Variants in ZIM2 observed in about 807,000 individuals in gnomAD.
ZIM2 encodes the protein zinc finger protein 656.
ZIM2 carries 14 observed loss-of-function variants against 38.6 expected under a neutral mutation model. The ratio of observed to expected loss-of-function variants is 0.36; its 90% confidence interval spans 0.24 to 0.57. ZIM2 has a LOEUF of 0.57. Ranked by LOEUF, ZIM2 falls within the 20% of genes least tolerant of loss-of-function variation. The probability of loss-of-function intolerance (pLI) is 0.81; values close to 1 mark genes in which losing one functional copy is unlikely to be tolerated. For synonymous variants in ZIM2, 247 were observed against 245.8 expected, an observed-to-expected ratio of 1.00 and a Z score of -0.04; for missense variants, 680 against 695.1, an observed-to-expected ratio of 0.98 and a Z score of 0.24.
At position 56,824,802 on chromosome 19, in the gene ZIM2, G is replaced by A. The variant is rs551706037; in HGVS notation, c.-150-375C>T. ...AGTTGAAGACCAGGCAGCAGTGGAG[G>A]CCACCTTACCAGAGGCATCGACAAT... On this transcript the variant is annotated intron_variant, in intron 3 of 12. Transcript: ENST00000629319. The A allele has an allele frequency of 5.6e-6, 4 of 714,166 alleles. No individual in the cohort carries two copies. The East Asian group carries it at 1.1e-4, about 19-fold the overall frequency. 44.2% of individuals were successfully genotyped at this position (714,166 alleles called of 1,614,324 possible).
intron 11 of ZIM2, 65 bp downstream of exon 11, chr19:56,781,888 C>T (rs557048373): frequency 2.7e-5 from 42 of 1,562,288 alleles, no homozygotes; most frequent in South Asian, 2.2e-4. Flanking sequence ...TGAGAGGACA[C>T]GAAGGAGTTG....
At chr19:56,818,500 ATATAT>A in intron 8 of ZIM2, 95 bp downstream of exon 8, 31 of 1,247,734 alleles carry the variant, frequency 2.5e-5, no homozygotes, top group Non-Finnish European at 3.5e-5. Flanking sequence ...TGAAGTCCAA[ATATAT>A]TAATGTGGAC....
intron 9 of ZIM2, among the ~76,000 whole-genome samples, chr19:56,803,840 C>G (rs1467376765): frequency 6.6e-6 from 1 of 152,202 alleles, no homozygotes; most frequent in Non-Finnish European, 1.5e-5. Context: ...AGTTTTCTCT[C>G]AAAAGGAATG....
intron 10 of ZIM2, among the ~76,000 whole-genome samples, chr19:56,788,628 G>A (rs1295673831): frequency 4.6e-5 from 7 of 152,036 alleles, no homozygotes; most frequent in Non-Finnish European, 1.5e-5. Flanking sequence ...TATGTGTCTT[G>A]GAGTTGCTCT....
intron 9 of ZIM2, chr19:56,813,247 G>C (rs926541309): frequency 3.1e-6 from 3 of 977,142 alleles, no homozygotes; most frequent in African/African-American, 3.5e-5. Flanking sequence ...TACCTCTGCA[G>C]AGTAAACTGT....
chr19:56,812,418 A>ATTT (rs34297427), intron 9 of ZIM2: 3 of 851,842 alleles, frequency 3.5e-6, no homozygotes, highest in Non-Finnish European at 2.8e-6. Flanking sequence ...ACTGTAAAGA[A>ATTT]TTTTTTTTTT....
In ZIM2 at chr19:56,816,571, T is replaced by C. The variant is rs36016896; in HGVS notation, c.490+1175A>G. The stretch of plus-strand genomic sequence containing the variant: ...ACACACCTTACATTCGTACATTTTC[T>C]CTTTACCATACATTTTCTGAAACTC... On this transcript the variant is annotated intron_variant, in intron 9 of 12. Coordinates refer to ENST00000629319, the MANE Select transcript of ZIM2 (RefSeq NM_001387356.1). The C allele has an allele frequency of 2.4e-3, 3,824 of 1,614,050 alleles. 87 individuals are homozygous for C. The African/African-American group carries it at 0.046, about 19-fold the overall frequency.
chr19:56,819,806 C>T (rs2060304144), intron 7 of ZIM2, among the ~76,000 whole-genome samples: 1 of 151,966 alleles, frequency 6.6e-6, no homozygotes, highest in Admixed American at 6.6e-5. Flanking sequence ...ATTAAATCTA[C>T]CATAGTTCTA....
At chr19:56,838,896 C>T (rs909975764) in intron 1 of ZIM2, among the ~76,000 whole-genome samples, 1 of 152,208 alleles carries the variant, frequency 6.6e-6, no homozygotes, top group Non-Finnish European at 1.5e-5. Context: ...ACCGCAGCCG[C>T]CCCGATCAAA....
intron 9 of ZIM2, among the ~76,000 whole-genome samples, chr19:56,797,056 A>C (rs535744059): frequency 6.6e-6 from 1 of 152,038 alleles, no homozygotes; most frequent in South Asian, 2.1e-4. Context: ...TCACACCTGT[A>C]ATCCCAGCAC....
chr19:56,788,301 TTG>T (rs1372463106), intron 10 of ZIM2, among the ~76,000 whole-genome samples: 1 of 152,202 alleles, frequency 6.6e-6, no homozygotes, highest in East Asian at 1.9e-4. Context: ...TTCTGGTACG[TTG>T]TGTCTTTGTT....
chr19:56,828,031 T>C (rs1406749215), intron 2 of ZIM2, among the ~76,000 whole-genome samples: 1 of 152,184 alleles, frequency 6.6e-6, no homozygotes, highest in Admixed American at 6.5e-5. Flanking sequence ...GAGCATGTAT[T>C]ACCTAGTCAA....
chr19:56,781,312 C>A (rs533111988), intron 11 of ZIM2, among the ~76,000 whole-genome samples: 3 of 151,984 alleles, frequency 2.0e-5, no homozygotes, highest in Non-Finnish European at 2.9e-5. Flanking sequence ...AGGAGCTTGG[C>A]ACTGGCAACG....
At chr19:56,780,420 T>TTTTAGTAGA (rs1307231992) in intron 11 of ZIM2, among the ~76,000 whole-genome samples, 1 of 151,966 alleles carries the variant, frequency 6.6e-6, no homozygotes, top group Non-Finnish European at 1.5e-5. Flanking sequence ...TTTTTCGTAG[T>TTTTAGTAGA]TTTAGTAGAG....
At chr19:56,782,572 A>G (rs1217832799) in intron 10 of ZIM2, 5 of 384,200 alleles carry the variant, frequency 1.3e-5, no homozygotes, top group Non-Finnish European at 2.6e-5. Flanking sequence ...TACCCATTCA[A>G]TTAAGTATTG....
At chr19:56,789,800 T>C (rs2046828166) in intron 10 of ZIM2, 72 bp downstream of exon 10, 1 of 1,321,116 alleles carries the variant, frequency 7.6e-7, no homozygotes, top group Non-Finnish European at 1.0e-6. Context: ...TTTAATTAAA[T>C]AAGGAAGTCC....
chr19:56,777,319 T>C (rs1397101227), intron 12 of ZIM2, among the ~76,000 whole-genome samples: 1 of 152,202 alleles, frequency 6.6e-6, no homozygotes, highest in African/African-American at 2.4e-5. Context: ...GAACACCTAG[T>C]CCTCACTGGC....
In ZIM2 at chr19:56,824,361, G is replaced by A. The variant is rs2060810545; in HGVS notation, c.-84C>T. 1 of 1,614,102 alleles carries A rather than the reference G, an allele frequency of 6.2e-7. No individual in the cohort carries two copies. The highest frequency in any genetic ancestry group is 1.7e-5 in the Admixed American group (1 of 60,016). Reference sequence around the variant, plus strand: ...CGCACCCAAGGCTTGAGCTTTTCAGGGATGATGGTCAGGTACTGCTCAAGG... The same window carrying A: ...CGCACCCAAGGCTTGAGCTTTTCAGAGATGATGGTCAGGTACTGCTCAAGG... On this transcript the variant is annotated 5_prime_UTR_variant, in exon 4 of 13. Coordinates refer to ENST00000629319, the MANE Select transcript of ZIM2 (RefSeq NM_001387356.1).
In ZIM2 at chr19:56,824,621, G is replaced by A. The variant is rs114825387; in HGVS notation, c.-150-194C>T. On this transcript the variant is annotated intron_variant, in intron 3 of 12. Transcript: ENST00000629319. Reference sequence around the variant, plus strand: ...CAGATTTGGGGCCCAGGACTTCTTAGGTTTGGTGGCAGACAAGTGCTTTGG... The same window carrying A: ...CAGATTTGGGGCCCAGGACTTCTTAAGTTTGGTGGCAGACAAGTGCTTTGG... The A allele has an allele frequency of 3.4e-5, 54 of 1,606,162 alleles. No homozygotes were observed. In the African/African-American group the frequency reaches 6.7e-4, roughly 20 times the overall value.
Sources: allele counts gnomAD v4.1 joint callset (sites outside exome capture counted in the v4.1 genomes callset), GRCh38; gene constraint gnomAD v4.1.1; transcripts MANE v1.5; gene names NCBI Gene and HGNC (gene_info 2026-07-23, HGNC 2026-07-21).